The following TAS2R8 variants were observed in gnomAD, a reference collection of about 807,000 sequenced individuals.
The protein encoded by TAS2R8 is taste 2 receptor member 8.
For synonymous variants in TAS2R8, 139 were observed against 123.9 expected (o/e 1.12, Z -0.81); for missense variants, 396 against 358.1 (o/e 1.11, Z -0.85).
rs750030237 is a variant in TAS2R8 at position 10,806,866 on chromosome 12, T to C, written c.115A>G (p.Lys39Glu). 2.5e-6 allele frequency: 4 copies of C among 1,613,638 alleles called. No individual in the cohort carries two copies. The highest frequency in any genetic ancestry group is 3.4e-6 in the Non-Finnish European group (4 of 1,179,852). ...ATGTAGTCAACTGTGGAAATCTTTT[T>C]CTTCTTAATCCAGTCAATCCAGTTG... ...LVNWIDWIKKKKISTVDYILT... is the reference protein window; with the variant it reads ...LVNWIDWIKKEKISTVDYILT... Residue 39 changes from lysine (K) to glutamate (E), a missense_variant, in exon 1 of 1, where the codon AAA (lysine) becomes GAA (glutamate). Lys to Glu is a moderately conservative substitution (Grantham distance 56, BLOSUM62 1). Transcript: ENST00000240615.
In TAS2R8 at chr12:10,806,496, G is replaced by T. The variant is rs532970325; in HGVS notation, c.485C>A (p.Ala162Asp). ...LSCDYRFHAI[A>D]KHKRNITEMF... The stretch of plus-strand genomic sequence containing the variant: ...TTCAGTAATGTTTCTTTTATGTTTG[G>T]CAATTGCATGAAACCTATAATCACA... Residue 162 changes from alanine (A) to aspartate (D), a missense_variant, in exon 1 of 1, where the codon GCC becomes GAC. Transcript: ENST00000240615. 23 of 1,613,730 alleles carry T rather than the reference G, an allele frequency of 1.4e-5. 1 individual carries two copies. The South Asian group carries it at 2.2e-4, about 15-fold the overall frequency.
At position 10,807,183 on chromosome 12, in the gene TAS2R8, C is replaced by G. The variant is rs1266005761; in HGVS notation, c.-203G>C. 3 of 492,354 alleles carry G rather than the reference C, an allele frequency of 6.1e-6. No individual in the cohort carries two copies. Among genetic ancestry groups the G allele is most frequent in the Non-Finnish European group, 7.0e-6 (2 of 283,996 alleles). The allele number at this position is 492,354 out of a possible 1,614,324, so 30.5% of individuals were successfully genotyped here. ...TCTACACTCCTGAAGATGAAACCAA[C>G]TAATGAGCAGCTTGACTAGTTATTT... On this transcript the variant is annotated 5_prime_UTR_variant, in exon 1 of 1. Transcript: ENST00000240615.
At position 10,806,679 on chromosome 12, in the gene TAS2R8, G is replaced by C. The variant is rs780584570; in HGVS notation, c.302C>G (p.Thr101Ser). ...FANYLNMWIT[T>S]CLNVFYFLKI... ...CAGAAAATAGAAGACATTAAGGCAG[G>C]TGGTAATCCACATATTTAAGTAGTT... Residue 101 changes from threonine to serine, a missense_variant, in exon 1 of 1, where the codon ACC becomes AGC. Coordinates refer to ENST00000240615, the MANE Select transcript of TAS2R8 (RefSeq NM_023918.3). 41 of 1,613,832 alleles carry C rather than the reference G, an allele frequency of 2.5e-5. No homozygotes were observed. The South Asian group carries it at 3.7e-4, about 15-fold the overall frequency.
Position 10,806,791 on chromosome 12 carries a change from C to T in TAS2R8, c.190G>A (p.Val64Ile). The T allele has an allele frequency of 6.2e-7, 1 of 1,613,916 alleles. No individual in the cohort carries two copies. Among genetic ancestry groups the T allele is most frequent in the African/African-American group, 1.3e-5 (1 of 75,040 alleles). Reference protein sequence around the residue: ...ARICLISVMVVNGIVIVLNPD... With the variant: ...ARICLISVMVINGIVIVLNPD... ...TTCAGTACTATTACAATGCCATTTA[C>T]AACCATTACACTGATCAAACAAATT... Residue 64 changes from valine (V) to isoleucine (I), a missense_variant, in exon 1 of 1, where the codon GTA becomes ATA. Physicochemically the swap from Val to Ile is conservative, Grantham distance 29. Transcript: ENST00000240615.
chr12:10,807,088 T>A lies in TAS2R8; in HGVS notation c.-108A>T. On this transcript the variant is annotated 5_prime_UTR_variant, in exon 1 of 1. Transcript: ENST00000240615. The stretch of plus-strand genomic sequence containing the variant: ...ATTCTTCGAATCATGCAATAATGTT[T>A]TCATCTGCTGTTATTTCGACGTTGT... 1.1e-6 allele frequency: 1 copy of A among 905,904 alleles called. No homozygotes were observed. Among genetic ancestry groups the A allele is most frequent in the Non-Finnish European group, 1.7e-6 (1 of 600,836 alleles). The allele number at this position is 905,904 out of a possible 1,614,324, so 56.1% of individuals were successfully genotyped here.
At position 10,806,165 on chromosome 12, in the gene TAS2R8, A is replaced by T. The variant is rs1169192989; in HGVS notation, c.816T>A (p.Ile272=). The T allele has an allele frequency of 3.7e-6, 6 of 1,613,520 alleles. No homozygotes were observed. The East Asian group carries it at 1.3e-4, about 36-fold the overall frequency. Residue 272 remains isoleucine, a synonymous_variant, in exon 1 of 1, where the codon ATT becomes ATA. Transcript: ENST00000240615. The part of the protein sequence containing the change: ...KYKLAVEFGE[I]AAILYPLGHS... ...GACCCAAGGGGTAGAGAATTGCTGC[A>T]ATCTCTCCAAACTCCACAGCTAACT...
At position 10,807,002 on chromosome 12, in the gene TAS2R8, A is replaced by T. The variant is rs747038856; in HGVS notation, c.-22T>A. 1 of 1,548,282 alleles carries T rather than the reference A, an allele frequency of 6.5e-7. No homozygotes were observed. The highest frequency in any genetic ancestry group is 8.7e-7 in the Non-Finnish European group (1 of 1,145,974). On this transcript the variant is annotated 5_prime_UTR_variant, in exon 1 of 1. Coordinates refer to ENST00000240615, the MANE Select transcript of TAS2R8 (RefSeq NM_023918.3). ...ACATGTTTGTAGAGAGAACAATCTG[A>T]TTTCAAATATCACTGTAGATGAGCT...
rs772216345 is a variant in TAS2R8 at position 10,806,808 on chromosome 12, A to G, written c.173T>C (p.Leu58Ser). The change falls in exon 1 of 1, where the codon TTG (leucine) becomes TCG (serine). Residue 58 changes from leucine to serine, a missense_variant. Coordinates refer to ENST00000240615, the MANE Select transcript of TAS2R8 (RefSeq NM_023918.3). ...LTNLVIARIC[L>S]ISVMVVNGIV... ...GCCATTTACAACCATTACACTGATCAAACAAATTCTGGCGATAACTAAATT... is the reference window on the plus strand; with the variant it reads ...GCCATTTACAACCATTACACTGATCGAACAAATTCTGGCGATAACTAAATT... 11 of 1,613,768 alleles carry G rather than the reference A, an allele frequency of 6.8e-6. No homozygotes were observed. In the Admixed American group the frequency reaches 1.0e-4, roughly 15 times the overall value.
chr12:10,807,160 T>C lies in TAS2R8; in HGVS notation c.-180A>G, dbSNP rs2135714860. The C allele has an allele frequency of 1.7e-6, 1 of 577,526 alleles. No homozygotes were observed. Among genetic ancestry groups the C allele is most frequent in the South Asian group, 2.6e-5 (1 of 38,098 alleles). The allele number at this position is 577,526 out of a possible 1,614,324, so 35.8% of individuals were successfully genotyped here. A position where few individuals can be genotyped will look rare whatever the true frequency, so the allele number is the denominator to read the frequency against. ...CTCTCCTCTGAAATAGGATTGTCTCTACACTCCTGAAGATGAAACCAACTA... is the reference window on the plus strand; with the variant it reads ...CTCTCCTCTGAAATAGGATTGTCTCCACACTCCTGAAGATGAAACCAACTA... On this transcript the variant is annotated 5_prime_UTR_variant, in exon 1 of 1. Transcript: ENST00000240615.
In TAS2R8 at chr12:10,806,518, C is replaced by T. The variant is rs1948725325; in HGVS notation, c.463G>A (p.Asp155Asn). The T allele has an allele frequency of 1.9e-6, 3 of 1,613,690 alleles. No homozygotes were observed. Among genetic ancestry groups the T allele is most frequent in the Non-Finnish European group, 2.5e-6 (3 of 1,179,920 alleles). Residue 155 changes from aspartate to asparagine, a missense_variant, in exon 1 of 1, where the codon GAT (aspartate) becomes AAT (asparagine). Transcript: ENST00000240615. ...SLIAAIVLSC[D>N]YRFHAIAKHK... ...TTGGCAATTGCATGAAACCTATAAT[C>T]ACAACTCAGTACTATTGCTGCTATA...
Position 10,806,379 on chromosome 12 carries a change from A to C in TAS2R8, c.602T>G (p.Phe201Cys), listed in dbSNP as rs761479052. 5 of 1,613,754 alleles carry C rather than the reference A, an allele frequency of 3.1e-6. No homozygotes were observed. In the East Asian group the frequency reaches 6.7e-5, roughly 22 times the overall value. Residue 201 changes from phenylalanine to cysteine, a missense_variant, in exon 1 of 1, where the codon TTT (phenylalanine) becomes TGT (cysteine). Physicochemically the swap from Phe to Cys is radical, Grantham distance 205. Coordinates refer to ENST00000240615, the MANE Select transcript of TAS2R8 (RefSeq NM_023918.3). ...IVPFIVSLIS[F>C]FLLVRSLWRH... ...CCATAAAGATCTTACTAAAAGGAAA[A>C]ATGATATCAGTGACACAATAAATGG...
At position 10,806,479 on chromosome 12, in the gene TAS2R8, T is replaced by C. The variant is rs765520876; in HGVS notation, c.502A>G (p.Ile168Val). 1.6e-5 allele frequency: 26 copies of C among 1,613,788 alleles called. No individual in the cohort carries two copies. In the South Asian group the frequency reaches 2.4e-4, roughly 15 times the overall value. The change falls in exon 1 of 1, where the codon ATT becomes GTT. Residue 168 changes from isoleucine (I) to valine (V), a missense_variant. By Grantham distance (29) the Ile-to-Val change is conservative. Coordinates refer to ENST00000240615, the MANE Select transcript of TAS2R8 (RefSeq NM_023918.3). ...FHAIAKHKRN[I>V]TEMFHVSKIP... is the part of the protein sequence containing the mutation. ...TTACTCACATGGAACATTTCAGTAA[T>C]GTTTCTTTTATGTTTGGCAATTGCA...
Position 10,806,539 on chromosome 12 carries a change from C to T in TAS2R8, c.442G>A (p.Ala148Thr). The T allele has an allele frequency of 6.2e-7, 1 of 1,613,882 alleles. No homozygotes were observed. The highest frequency in any genetic ancestry group is 8.5e-7 in the Non-Finnish European group (1 of 1,179,912). The change falls in exon 1 of 1, where the codon GCA becomes ACA. Residue 148 changes from alanine (A) to threonine (T), a missense_variant. Coordinates refer to ENST00000240615, the MANE Select transcript of TAS2R8 (RefSeq NM_023918.3). The stretch of plus-strand genomic sequence containing the variant: ...TAATCACAACTCAGTACTATTGCTG[C>T]TATAAGGCTGACCAACAAGGAAATG... ...FAISLLVSLIAAIVLSCDYRF... is the reference protein window; with the variant it reads ...FAISLLVSLITAIVLSCDYRF...
Position 10,806,219 on chromosome 12 carries a change from C to A in TAS2R8, c.762G>T (p.Met254Ile), listed in dbSNP as rs757287483. 1 of 1,613,006 alleles carries A rather than the reference C, an allele frequency of 6.2e-7. No individual in the cohort carries two copies. Among genetic ancestry groups the A allele is most frequent in the Admixed American group, 1.7e-5 (1 of 59,830 alleles). ...FFLYYISSIL[M>I]TFSYLMTKYK... Reference sequence around the variant, plus strand: ...ATTTTGTCATAAGATAGCTAAAGGTCATCAAAATAGAAGAAATATAGTATA... The same window carrying A: ...ATTTTGTCATAAGATAGCTAAAGGTAATCAAAATAGAAGAAATATAGTATA... The change falls in exon 1 of 1, where the codon ATG becomes ATT. Residue 254 changes from methionine to isoleucine, a missense_variant. By Grantham distance (10) the Met-to-Ile change is conservative (BLOSUM62 1). Transcript: ENST00000240615.
Position 10,806,151 on chromosome 12 carries a change from T to G in TAS2R8, c.830A>C (p.Tyr277Ser). ...VEFGEIAAIL[Y>S]PLGHSLILIV... ...TAAAATAAGTGAGTGACCCAAGGGG[T>G]AGAGAATTGCTGCAATCTCTCCAAA... Residue 277 changes from tyrosine (Y) to serine (S), a missense_variant, in exon 1 of 1, where the codon TAC becomes TCC. Physicochemically the swap from Tyr to Ser is moderately radical, Grantham distance 144. Coordinates refer to ENST00000240615, the MANE Select transcript of TAS2R8 (RefSeq NM_023918.3). The G allele has an allele frequency of 6.2e-7, 1 of 1,613,456 alleles. No individual in the cohort carries two copies. The highest frequency in any genetic ancestry group is 8.5e-7 in the Non-Finnish European group (1 of 1,179,730).
Position 10,806,740 on chromosome 12 carries a change from G to T in TAS2R8, c.241C>A (p.Gln81Lys), listed in dbSNP as rs201843612. 4.3e-6 allele frequency: 7 copies of T among 1,613,804 alleles called. No homozygotes were observed. Among genetic ancestry groups the T allele is most frequent in the East Asian group, 4.5e-5 (2 of 44,846 alleles). ...LNPDVYTKNKQQIVIFTFWTF... is the reference protein window; with the variant it reads ...LNPDVYTKNKKQIVIFTFWTF... ...CAGAAGGTAAAAATGACTATCTGTT[G>T]TTTATTTTTTGTATAAACATCTGGG... is the stretch of plus-strand genomic sequence containing the variant. The change falls in exon 1 of 1, where the codon CAA becomes AAA. Residue 81 changes from glutamine (Q) to lysine (K), a missense_variant. Transcript: ENST00000240615.
Position 10,806,589 on chromosome 12 carries a change from T to G in TAS2R8, c.392A>C (p.His131Pro), listed in dbSNP as rs1948726322. 1 of 1,613,896 alleles carries G rather than the reference T, an allele frequency of 6.2e-7. No homozygotes were observed. The highest frequency in any genetic ancestry group is 8.5e-7 in the Non-Finnish European group (1 of 1,179,902). ...WLKWKIDMVV[H>P]WILLGCFAIS... ...GGCAAAGCATCCCAGCAGGATCCAG[T>G]GCACCACCATATCAATTTTCCACTT... The change falls in exon 1 of 1, where the codon CAC becomes CCC. Residue 131 changes from histidine (H) to proline (P), a missense_variant. His to Pro is a moderately conservative substitution (Grantham distance 77). Coordinates refer to ENST00000240615, the MANE Select transcript of TAS2R8 (RefSeq NM_023918.3).
rs1389129293 is a variant in TAS2R8 at position 10,806,097 on chromosome 12, G to T, written c.884C>A (p.Thr295Lys). ...TCTACATGTCAGCATTCTGACAAATGTCTGCCTCAGTTTATTATTTAAAAC... is the reference window on the plus strand; with the variant it reads ...TCTACATGTCAGCATTCTGACAAATTTCTGCCTCAGTTTATTATTTAAAAC... ...LIVLNNKLRQ[T>K]FVRMLTCRKI... The change falls in exon 1 of 1, where the codon ACA becomes AAA. Residue 295 changes from threonine to lysine, a missense_variant. Thr to Lys is a moderately conservative substitution (Grantham distance 78, BLOSUM62 -1). Coordinates refer to ENST00000240615, the MANE Select transcript of TAS2R8 (RefSeq NM_023918.3). 3 of 1,608,112 alleles carry T rather than the reference G, an allele frequency of 1.9e-6. No homozygotes were observed. In the African/African-American group the frequency reaches 4.0e-5, roughly 22 times the overall value.
In TAS2R8 at chr12:10,806,170, C is replaced by T. The variant is rs764963447; in HGVS notation, c.811G>A (p.Glu271Lys). 7.4e-6 allele frequency: 12 copies of T among 1,613,364 alleles called. No individual in the cohort carries two copies. The African/African-American group carries it at 1.5e-4, about 20-fold the overall frequency. The change falls in exon 1 of 1, where the codon GAG becomes AAG. Residue 271 changes from glutamate to lysine, a missense_variant. Coordinates refer to ENST00000240615, the MANE Select transcript of TAS2R8 (RefSeq NM_023918.3). Reference protein sequence around the residue: ...TKYKLAVEFGEIAAILYPLGH... With the variant: ...TKYKLAVEFGKIAAILYPLGH... ...AAGGGGTAGAGAATTGCTGCAATCT[C>T]TCCAAACTCCACAGCTAACTTGTAT... is the stretch of plus-strand genomic sequence containing the variant.
Sources: gnomAD v4.1 joint callset for allele counts on GRCh38, gnomAD v4.1.1 for gene constraint, MANE v1.5 for transcripts, NCBI Gene and HGNC (gene_info 2026-07-23, HGNC 2026-07-21) for gene names.